PCDHA5: variants seen among roughly 807,000 people sequenced by gnomAD.
The protein encoded by PCDHA5 is protocadherin alpha 5.
Under a neutral mutation model 61.6 loss-of-function variants are expected in PCDHA5, and 43 were observed. The observed-to-expected ratio is 0.70, with a 90% CI of 0.55 to 0.90. The LOEUF (loss-of-function observed/expected upper bound fraction) is 0.90. Ranked by LOEUF, PCDHA5 falls within the 40% of genes least tolerant of loss-of-function variation. The pLI is 0.00. For synonymous variants in PCDHA5, 627 were observed against 543.9 expected, an observed-to-expected ratio of 1.15 and a Z score of -2.13; for missense variants, 1,298 against 1,222.7, an observed-to-expected ratio of 1.06 and a Z score of -0.92.
chr5:140,869,943 C>T (rs781893563), intron 1 of PCDHA5: 10 of 1,612,248 alleles, frequency 6.2e-6, no homozygotes, highest in Non-Finnish European at 7.6e-6. Context: ...TAACATACTC[C>T]TTAATGTCAA....
rs782109045 is a variant in PCDHA5 at position 140,856,427 on chromosome 5, G to C, written c.2352+32300G>C. ...GGACGTGGAAGTGAAGGACATTAAC[G>C]ACAACCCGCCCAGGTTCTCCGTAAC... On this transcript the variant is annotated intron_variant, in intron 1 of 3. Transcript: ENST00000529859. 9 of 1,598,364 alleles carry C rather than the reference G, an allele frequency of 5.6e-6. 1 individual carries two copies. Among genetic ancestry groups the C allele is most frequent in the South Asian group, 1.1e-5 (1 of 90,520 alleles).
At chr5:140,886,651 C>T (rs1427441330) in intron 1 of PCDHA5, among the ~76,000 whole-genome samples, 4 of 151,902 alleles carry the variant, frequency 2.6e-5, no homozygotes, top group Non-Finnish European at 4.4e-5. Context: ...CATGGTGAAA[C>T]CCTGTCTCTA....
chr5:140,850,243 G>T lies in PCDHA5; in HGVS notation c.2352+26116G>T, dbSNP rs2150475215. 2 of 1,593,880 alleles carry T rather than the reference G, an allele frequency of 1.3e-6. No homozygotes were observed. The highest frequency in any genetic ancestry group is 1.3e-5 in the African/African-American group (1 of 74,400). ...GGCGCAGTGAGCGAGATGGTGCTGC[G>T]GTCGGTGGGCGCCGGCGTAGTGGTG... On this transcript the variant is annotated intron_variant, in intron 1 of 3. Transcript: ENST00000529859.
chr5:140,837,199 TTAGTC>T (rs1774954755), intron 1 of PCDHA5: 1 of 152,580 alleles, frequency 6.6e-6, no homozygotes, highest in Non-Finnish European at 1.5e-5. Flanking sequence ...CTTTTTATCT[TTAGTC>T]TAGAACTTGA....
At chr5:140,824,612 T>TTTTTTTTTG (rs1768223304) in intron 1 of PCDHA5, 1 of 117,268 alleles carries the variant, frequency 8.5e-6, no homozygotes, top group African/African-American at 4.0e-5. Flanking sequence ...TAATTAAAGT[T>TTTTTTTTTG]TTTTTTTTTT....
At chr5:140,875,538 A>C in intron 1 of PCDHA5, 17 of 1,614,126 alleles carry the variant, frequency 1.1e-5, no homozygotes, top group Non-Finnish European at 1.4e-5. Context: ...TGCTCCTTGC[A>C]GCCTGGGAGG....
chr5:140,966,854 C>T (rs1554228784), intron 1 of PCDHA5: 2 of 1,573,744 alleles, frequency 1.3e-6, no homozygotes, highest in Admixed American at 1.8e-5. Context: ...GCCTCTCCTG[C>T]TGCTGTTGCT....
At chr5:140,848,603 G>A (rs144574743) in intron 1 of PCDHA5, 1 of 1,581,062 alleles carries the variant, frequency 6.3e-7, no homozygotes, top group Non-Finnish European at 8.7e-7. Flanking sequence ...ACTCCGTCCC[G>A]GAGGAAGCCG....
At chr5:140,909,038 A>C (rs1396337089) in intron 1 of PCDHA5, among the ~76,000 whole-genome samples, 1 of 152,126 alleles carries the variant, frequency 6.6e-6, no homozygotes, top group African/African-American at 2.4e-5. Context: ...TTTATTTTCC[A>C]TACTCTGGCA....
chr5:140,850,073 G>A, intron 1 of PCDHA5: 1 of 1,596,556 alleles, frequency 6.3e-7, no homozygotes, highest in Non-Finnish European at 8.6e-7. Context: ...TGGACCACGA[G>A]GAGCTGGAGC....
intron 1 of PCDHA5, chr5:140,842,708 T>A: frequency 6.3e-7 from 1 of 1,595,132 alleles, no homozygotes. Flanking sequence ...GTACACGGTG[T>A]TCGTGAAGGA....
chr5:140,830,083 G>A (rs141570762), intron 1 of PCDHA5: 64 of 1,613,578 alleles, frequency 4.0e-5, no homozygotes, highest in Non-Finnish European at 5.1e-5. Flanking sequence ...CGACGGCCAC[G>A]GTTCTGGTGT....
chr5:140,871,272 G>C lies in PCDHA5; in HGVS notation c.2352+47145G>C, dbSNP rs782818690. Reference sequence around the variant, plus strand: ...TGCTGTATACGGCGCTGTGGTGGTCGGCAACGCCCACTGAGGGCGCGTGCG... The same window carrying C: ...TGCTGTATACGGCGCTGTGGTGGTCCGCAACGCCCACTGAGGGCGCGTGCG... On this transcript the variant is annotated intron_variant, in intron 1 of 3. Coordinates refer to ENST00000529859, the MANE Select transcript of PCDHA5 (RefSeq NM_018908.3). 25 of 1,613,826 alleles carry C rather than the reference G, an allele frequency of 1.5e-5. No individual in the cohort carries two copies. The East Asian group carries it at 5.1e-4, about 33-fold the overall frequency.
intron 1 of PCDHA5, among the ~76,000 whole-genome samples, chr5:140,935,903 T>TTC (rs1289164766): frequency 4.6e-4 from 69 of 151,456 alleles, no homozygotes; most frequent in African/African-American, 1.6e-3. Flanking sequence ...TCTTTTTTTT[T>TTC]TTTTTTTGAG....
chr5:140,864,404 G>A (rs2048464520), intron 1 of PCDHA5: 1 of 152,228 alleles, frequency 6.6e-6, no homozygotes. Flanking sequence ...GTGATGAGCA[G>A]GGTTGAGGCA....
intron 1 of PCDHA5, chr5:140,835,796 C>T (rs1264312076): frequency 5.6e-6 from 9 of 1,613,014 alleles, no homozygotes; most frequent in Non-Finnish European, 7.6e-6. Context: ...ACCCGCCGGG[C>T]TGCCACATCT....
At chr5:140,994,485 C>T (rs573689251) in intron 3 of PCDHA5, among the ~76,000 whole-genome samples, 2 of 152,146 alleles carry the variant, frequency 1.3e-5, no homozygotes, top group South Asian at 2.1e-4. Flanking sequence ...GGTGGATTGC[C>T]TGAACCCAGG....
chr5:140,953,778 A>AT, intron 1 of PCDHA5, among the ~76,000 whole-genome samples: 1 of 152,106 alleles, frequency 6.6e-6, no homozygotes, highest in South Asian at 2.1e-4. Context: ...ATATTTATTT[A>AT]TTTTTTTCTT....
chr5:140,834,395 G>C, intron 1 of PCDHA5: 1 of 1,598,712 alleles, frequency 6.3e-7, no homozygotes, highest in Non-Finnish European at 8.5e-7. Flanking sequence ...TGGTGTGCCC[G>C]AATGGATACG....
Sources: gnomAD v4.1 joint callset for allele counts (sites outside exome capture counted in the v4.1 genomes callset) on GRCh38, gnomAD v4.1.1 for gene constraint, MANE v1.5 for transcripts, NCBI Gene and HGNC (gene_info 2026-07-23, HGNC 2026-07-21) for gene names.